TRPM7: variants seen among roughly 807,000 people sequenced by gnomAD.
The protein encoded by TRPM7 is transient receptor potential cation channel subfamily M member 7.
Under a neutral mutation model 229.7 loss-of-function variants are expected in TRPM7, and 134 were observed. The ratio of observed to expected loss-of-function variants is 0.58; its 90% CI spans 0.51 to 0.67. The LOEUF is 0.67. Ranked by LOEUF, TRPM7 falls within the 30% of genes least tolerant of loss-of-function variation. TRPM7 has a pLI of 0.00. For synonymous variants in TRPM7, 699 were observed against 715.2 expected (o/e 0.98, Z 0.36); for missense variants, 1,901 against 2,210.0 (o/e 0.86, Z 2.80).
chr15:50,643,556 A>G lies in TRPM7; in HGVS notation c.322-3T>C, dbSNP rs1319610141. 1 of 1,610,750 alleles carries G rather than the reference A, an allele frequency of 6.2e-7. No homozygotes were observed. The highest frequency in any genetic ancestry group is 8.5e-7 in the Non-Finnish European group (1 of 1,177,788). ...GTGTCATATGATAGCCTCACATACT[A>G]GAAAAAGATTTTAAAAGGAGAAAAT... On this transcript the variant is annotated splice_polypyrimidine_tract_variant and splice_region_variant and intron_variant, in intron 4 of 38. Transcript: ENST00000646667.
intron 13 of TRPM7, among the ~76,000 whole-genome samples, chr15:50,618,905 A>G (rs906333616): frequency 3.9e-5 from 6 of 152,134 alleles, no homozygotes; most frequent in Non-Finnish European, 8.8e-5. Context: ...AGGATAATCA[A>G]CCTCCAGTTC....
chr15:50,581,611 A>G (rs1293383092), intron 29 of TRPM7, among the ~76,000 whole-genome samples: 3 of 152,168 alleles, frequency 2.0e-5, no homozygotes, highest in Non-Finnish European at 4.4e-5. Context: ...ACATTTAGGC[A>G]TATTTCACTG....
At chr15:50,632,359 A>G (rs558172365) in intron 9 of TRPM7, among the ~76,000 whole-genome samples, 4 of 152,266 alleles carry the variant, frequency 2.6e-5, no homozygotes, top group South Asian at 4.1e-4. Context: ...TTTTTGGCCA[A>G]CTTTATTTCA....
chr15:50,618,283 C>T (rs1215114649), intron 13 of TRPM7, among the ~76,000 whole-genome samples: 1 of 152,038 alleles, frequency 6.6e-6, no homozygotes, highest in Non-Finnish European at 1.5e-5. Flanking sequence ...ATGTTTTTTA[C>T]TTTTAAAAAA....
At chr15:50,563,081 C>T (rs2053401374) in intron 38 of TRPM7, among the ~76,000 whole-genome samples, 2 of 152,168 alleles carry the variant, frequency 1.3e-5, no homozygotes, top group African/African-American at 4.8e-5. Context: ...TGAGCTCAAG[C>T]AGCAGTTAAT....
At chr15:50,683,790 G>C (rs2062296498) in intron 1 of TRPM7, among the ~76,000 whole-genome samples, 2 of 152,084 alleles carry the variant, frequency 1.3e-5, no homozygotes, top group South Asian at 4.1e-4. Flanking sequence ...AACAAAGACA[G>C]TATGTGCCTC....
chr15:50,603,978 AAT>A (rs1461652997), intron 21 of TRPM7: 1 of 152,244 alleles, frequency 6.6e-6, no homozygotes, highest in African/African-American at 2.4e-5. Flanking sequence ...AATGTCTCTG[AAT>A]AGTGATTTGT....
chr15:50,650,581 G>T (rs1194733220), intron 3 of TRPM7, among the ~76,000 whole-genome samples: 1 of 152,052 alleles, frequency 6.6e-6, no homozygotes, highest in Non-Finnish European at 1.5e-5. Flanking sequence ...TGTAGTCCCA[G>T]CTTCTCAGGA....
At chr15:50,563,696 G>A (rs992522456) in intron 38 of TRPM7, among the ~76,000 whole-genome samples, 4 of 152,166 alleles carry the variant, frequency 2.6e-5, no homozygotes, top group African/African-American at 9.7e-5. Context: ...GATTGGACAC[G>A]TTACTAAAGA....
chr15:50,673,001 G>C (rs1170238155), intron 1 of TRPM7, among the ~76,000 whole-genome samples: 2 of 148,264 alleles, frequency 1.3e-5, no homozygotes, highest in African/African-American at 5.0e-5. Context: ...GTTATTACAA[G>C]AGTCAAAAAG....
chr15:50,680,524 G>C (rs186390637), intron 1 of TRPM7, among the ~76,000 whole-genome samples: 1 of 150,450 alleles, frequency 6.6e-6, no homozygotes, highest in Non-Finnish European at 1.5e-5. Flanking sequence ...AGCCAAGATC[G>C]CACCACTGAA....
rs559512451 is a variant in TRPM7 at position 50,683,492 on chromosome 15, T to C, written c.3+3039A>G. Reference sequence around the variant, plus strand: ...GCTCACGCCTGTAATCCCAACACTTTGGGAGGCCGAGGCGGGTGGATCACC... The same window carrying C: ...GCTCACGCCTGTAATCCCAACACTTCGGGAGGCCGAGGCGGGTGGATCACC... On this transcript the variant is annotated intron_variant, in intron 1 of 38. Transcript: ENST00000646667. Among the ~76,000 whole-genome samples, 3 of 150,466 alleles carry C rather than the reference T, an allele frequency of 2.0e-5. No individual in the cohort carries two copies. In the East Asian group the frequency reaches 5.9e-4, roughly 29 times the overall value.
intron 1 of TRPM7, among the ~76,000 whole-genome samples, chr15:50,669,471 G>A (rs1301962964): frequency 5.9e-5 from 9 of 151,970 alleles, no homozygotes; most frequent in Admixed American, 2.6e-4. Flanking sequence ...TGCTGGGCTC[G>A]GTTTTAAAAG....
At position 50,573,980 on chromosome 15, in the gene TRPM7, C is replaced by T. The variant is rs546601040; in HGVS notation, c.5308+294G>A. Among the ~76,000 whole-genome samples the T allele has an allele frequency of 5.9e-5, 9 of 151,486 alleles. No homozygotes were observed. In the South Asian group the frequency reaches 1.9e-3, roughly 32 times the overall value. The stretch of plus-strand genomic sequence containing the variant: ...GCTGAGGCAAGAGAATTGCTTGAAT[C>T]CGGGAGGCGGAAGTTGCAGTGAGCT... On this transcript the variant is annotated intron_variant, in intron 36 of 38. Transcript: ENST00000646667.
At chr15:50,563,910 AG>A (rs1462589714) in intron 38 of TRPM7, among the ~76,000 whole-genome samples, 1 of 152,148 alleles carries the variant, frequency 6.6e-6, no homozygotes, top group Non-Finnish European at 1.5e-5. Context: ...CCCAGGCTGA[AG>A]TGCAGTGGCA....
At chr15:50,658,618 C>T (rs1387828463) in intron 2 of TRPM7, among the ~76,000 whole-genome samples, 1 of 151,082 alleles carries the variant, frequency 6.6e-6, no homozygotes, top group Non-Finnish European at 1.5e-5. Flanking sequence ...CAGAGAGAGT[C>T]TGGTATCTGT....
intron 19 of TRPM7, among the ~76,000 whole-genome samples, chr15:50,607,765 G>T (rs1015931905): frequency 6.6e-6 from 1 of 151,814 alleles, no homozygotes; most frequent in African/African-American, 2.4e-5. Flanking sequence ...AGACAACTGG[G>T]GCACGCCGCG....
At chr15:50,646,675 GAGA>G (rs2061274589) in intron 4 of TRPM7, among the ~76,000 whole-genome samples, 1 of 152,164 alleles carries the variant, frequency 6.6e-6, no homozygotes, top group Admixed American at 6.6e-5. Flanking sequence ...TAAGTCTTAA[GAGA>G]AATAAGTGCA....
At chr15:50,613,501 CAAAAAA>C (rs67505794) in intron 15 of TRPM7, among the ~76,000 whole-genome samples, 200 bp downstream of exon 15, 3 of 62,808 alleles carry the variant, frequency 4.8e-5, no homozygotes, top group African/African-American at 1.3e-4. Context: ...ACTCCTGTCT[CAAAAAA>C]AAAAAAAAAA....
Sources: allele counts gnomAD v4.1 joint callset (sites outside exome capture counted in the v4.1 genomes callset), GRCh38; gene constraint gnomAD v4.1.1; transcripts MANE v1.5; gene names NCBI Gene and HGNC (gene_info 2026-07-23, HGNC 2026-07-21).